KCNQ5: variants seen among roughly 807,000 people sequenced by gnomAD.
KCNQ5 encodes the protein potassium voltage-gated channel subfamily KQT member 5.
A neutral mutation model predicts 98.2 loss-of-function variants in KCNQ5; 30 were observed. That is an observed-to-expected ratio of 0.31 (90% confidence interval 0.23 to 0.41). KCNQ5 has a LOEUF of 0.41. KCNQ5 is among the 10% of genes least tolerant of loss of function. The pLI is 1.00. For missense variants in KCNQ5, 835 were observed against 1,182.5 expected (o/e 0.71, Z 4.31); for synonymous variants, 458 against 449.4 (o/e 1.02, Z -0.24).
intron 1 of KCNQ5, among the ~76,000 whole-genome samples, chr6:72,832,822 T>C (rs564732683): frequency 2.0e-5 from 3 of 152,152 alleles, no homozygotes; most frequent in African/African-American, 4.8e-5. Context: ...AACACATATA[T>C]GGTAAAAGCC....
chr6:73,011,868 A>T (rs1231142950), intron 2 of KCNQ5, among the ~76,000 whole-genome samples: 1 of 152,088 alleles, frequency 6.6e-6, no homozygotes, highest in Non-Finnish European at 1.5e-5. Context: ...ACATGAAAAG[A>T]TGCTCAACAT....
chr6:72,674,459 T>TA (rs1264209124), intron 1 of KCNQ5, among the ~76,000 whole-genome samples: 4 of 151,778 alleles, frequency 2.6e-5, no homozygotes, highest in Admixed American at 6.6e-5. Context: ...AATTTAAAAT[T>TA]AAAAAAATAT....
chr6:72,719,893 G>T (rs557977127), intron 1 of KCNQ5, among the ~76,000 whole-genome samples: 1 of 152,306 alleles, frequency 6.6e-6, no homozygotes, highest in East Asian at 1.9e-4. Flanking sequence ...CACAGAGCTG[G>T]AGTTTATCAC....
chr6:72,715,946 TG>T (rs1769626171), intron 1 of KCNQ5, among the ~76,000 whole-genome samples: 1 of 152,202 alleles, frequency 6.6e-6, no homozygotes, highest in South Asian at 2.1e-4. Flanking sequence ...TTTTTACTGT[TG>T]ATCTTAACAA....
intron 3 of KCNQ5, among the ~76,000 whole-genome samples, chr6:73,076,356 A>G (rs1582308711): frequency 6.6e-6 from 1 of 152,204 alleles, no homozygotes; most frequent in South Asian, 2.1e-4. Context: ...CAGGAAGGAA[A>G]TTGTATTTGA....
At chr6:73,183,601 A>C (rs1286850657) in intron 11 of KCNQ5, among the ~76,000 whole-genome samples, 2 of 152,186 alleles carry the variant, frequency 1.3e-5, no homozygotes, top group African/African-American at 4.8e-5. Flanking sequence ...GAGAAATAAG[A>C]AAATGCTGCA....
intron 7 of KCNQ5, among the ~76,000 whole-genome samples, chr6:73,116,200 T>TAGTAACTTAGCTATTA (rs1338376468): frequency 3.3e-5 from 5 of 152,158 alleles, no homozygotes; most frequent in Non-Finnish European, 5.9e-5. Context: ...GTCATAATAA[T>TAGTAACTTAGCTATTA]ATTAAATAGT....
intron 1 of KCNQ5, chr6:72,806,889 C>G (rs184996240): frequency 2.4e-6 from 1 of 424,054 alleles, no homozygotes; most frequent in Non-Finnish European, 4.6e-6. Flanking sequence ...AGAATAAGAT[C>G]GACAAACAGC....
rs148208731 is a variant in KCNQ5 at position 72,981,979 on chromosome 6, T to C, written c.399-21929T>C. ...GTCATGCGATTTTGAGTGAGTTTCTTATTCCTGAGTTCTAATTTGATTGCA... is the reference window on the plus strand; with the variant it reads ...GTCATGCGATTTTGAGTGAGTTTCTCATTCCTGAGTTCTAATTTGATTGCA... On this transcript the variant is annotated intron_variant, in intron 1 of 13. Transcript: ENST00000370398. 7.9e-5 allele frequency among the ~76,000 whole-genome samples: 12 copies of C among 152,352 alleles called. No individual in the cohort carries two copies. The East Asian group carries it at 2.1e-3, about 27-fold the overall frequency.
intron 1 of KCNQ5, among the ~76,000 whole-genome samples, chr6:72,822,878 C>T (rs1775819393): frequency 6.6e-6 from 1 of 152,112 alleles, no homozygotes; most frequent in South Asian, 2.1e-4. Flanking sequence ...CCTCTTTTTC[C>T]ACATTCCACA....
chr6:72,962,368 G>A (rs999147099), intron 1 of KCNQ5, among the ~76,000 whole-genome samples: 10 of 151,080 alleles, frequency 6.6e-5, no homozygotes, highest in African/African-American at 2.4e-4. Context: ...AGGACTGAGG[G>A]ATGAAAAACT....
intron 1 of KCNQ5, among the ~76,000 whole-genome samples, chr6:73,003,318 G>A (rs1769672263): frequency 6.6e-6 from 1 of 152,162 alleles, no homozygotes; most frequent in Admixed American, 6.5e-5. Context: ...AATGGAAAGT[G>A]TATGGGTAGC....
At chr6:72,861,948 T>C (rs1344408865) in intron 1 of KCNQ5, among the ~76,000 whole-genome samples, 1 of 152,178 alleles carries the variant, frequency 6.6e-6, no homozygotes, top group Non-Finnish European at 1.5e-5. Context: ...TCACTGTGTC[T>C]GCTCCTTTTT....
At chr6:72,633,792 C>T (rs1478009952) in intron 1 of KCNQ5, among the ~76,000 whole-genome samples, 1 of 152,152 alleles carries the variant, frequency 6.6e-6, no homozygotes, top group African/African-American at 2.4e-5. Context: ...GAGAGGGCTC[C>T]CCAGTTCAAT....
rs556659945 is a variant in KCNQ5, at chr6:72,720,646, A to G, written c.398+98059A>G. On this transcript the variant is annotated intron_variant, in intron 1 of 13. Coordinates refer to ENST00000370398, the MANE Select transcript of KCNQ5 (RefSeq NM_019842.4). ...GGAATCCATGCTATCATCAGTGCGG[A>G]GTGATATGTGAGTCATAATTACTAT... is the stretch of plus-strand genomic sequence containing the variant. Among the ~76,000 whole-genome samples the G allele has an allele frequency of 1.1e-4, 16 of 152,298 alleles. No homozygotes were observed. In the East Asian group the frequency reaches 3.1e-3, roughly 29 times the overall value.
Position 73,032,322 on chromosome 6 carries a change from C to T in KCNQ5, c.490-9614C>T, listed in dbSNP as rs557379576. On this transcript the variant is annotated intron_variant, in intron 2 of 13. Transcript: ENST00000370398. ...AGCTGGGATTACAGGCACCTGTCAC[C>T]ATGCCTGGCCAATTTTTGTATTTTT... Among the ~76,000 whole-genome samples, 6 of 152,276 alleles carry T rather than the reference C, an allele frequency of 3.9e-5. No individual in the cohort carries two copies. In the East Asian group the frequency reaches 9.6e-4, roughly 24 times the overall value.
chr6:72,958,777 T>C (rs1418471050), intron 1 of KCNQ5, among the ~76,000 whole-genome samples: 1 of 152,174 alleles, frequency 6.6e-6, no homozygotes, highest in African/African-American at 2.4e-5. Flanking sequence ...GAAACATAAT[T>C]TCTTACATTT....
At position 73,076,522 on chromosome 6, in the gene KCNQ5, T is replaced by C. The variant is rs569703243; in HGVS notation, c.617-800T>C. 6.6e-5 allele frequency among the ~76,000 whole-genome samples: 10 copies of C among 152,342 alleles called. No individual in the cohort carries two copies. In the South Asian group the frequency reaches 1.9e-3, roughly 28 times the overall value. ...TTATCTTTTCTATGCTTTCATCAGA[T>C]GCTCTTTTTCTCTTTTTTGCTTAGA... On this transcript the variant is annotated intron_variant, in intron 3 of 13. Transcript: ENST00000370398.
chr6:73,124,591 T>G, intron 9 of KCNQ5, 79 bp downstream of exon 9: 1 of 1,247,632 alleles, frequency 8.0e-7, no homozygotes, highest in East Asian at 2.3e-5. Flanking sequence ...CTCATGTGAG[T>G]AAAATCGATC....
Sources: allele counts gnomAD v4.1 joint callset (sites outside exome capture counted in the v4.1 genomes callset), GRCh38; gene constraint gnomAD v4.1.1; transcripts MANE v1.5; gene names NCBI Gene and HGNC (gene_info 2026-07-23, HGNC 2026-07-21).